MAP4K1: variants seen among roughly 807,000 people sequenced by gnomAD.
MAP4K1 encodes MAPK/ERK kinase kinase kinase 1.
MAP4K1 carries 35 observed loss-of-function variants against 122.8 expected under a neutral mutation model. That is an observed-to-expected ratio of 0.29 (90% confidence interval 0.22 to 0.38). The LOEUF (loss-of-function observed/expected upper bound fraction) is 0.38. Ranked by LOEUF, MAP4K1 falls within the 10% of genes least tolerant of loss-of-function variation. MAP4K1 has a pLI of 1.00. For synonymous variants in MAP4K1, 412 were observed against 421.3 expected (o/e 0.98, Z 0.27); for missense variants, 791 against 1,072.6 (o/e 0.74, Z 3.67).
chr19:38,614,146 C>T (rs1181844486), intron 6 of MAP4K1, 61 bp from the exon 7 acceptor site: 2 of 1,611,110 alleles, frequency 1.2e-6, no homozygotes, highest in Non-Finnish European at 1.7e-6. Context: ...TGCTAGCCCA[C>T]TCCGCCAGCT....
rs1031744033 is a variant in MAP4K1 at position 38,608,799 on chromosome 19, CAAAAAAAAAAAAAA to C, written c.1007-643_1007-630del. Among the ~76,000 whole-genome samples the C allele has an allele frequency of 1.9e-3, 18 of 9,558 alleles. No homozygotes were observed. The East Asian group carries it at 0.027, about 14-fold the overall frequency. The allele number at this position is 9,558 out of a possible 152,430, so 6.3% of individuals were successfully genotyped here. On this transcript the variant is annotated intron_variant, in intron 13 of 30. Transcript: ENST00000396857. ...TGGGCGACAGAGTGAAACTCCGTCT[CAAAAAAAAAAAAAA>C]AAAAAAAAAAAAAAAACATTAGCCA...
intron 29 of MAP4K1, among the ~76,000 whole-genome samples, chr19:38,595,167 T>G (rs1365346830): frequency 6.6e-6 from 1 of 151,308 alleles, no homozygotes; most frequent in Non-Finnish European, 1.5e-5. Context: ...CGCATGCCTG[T>G]AATCCCAGCT....
intron 19 of MAP4K1, among the ~76,000 whole-genome samples, chr19:38,603,279 T>A (rs1011788104): frequency 6.8e-6 from 1 of 146,112 alleles, no homozygotes; most frequent in Admixed American, 6.7e-5. Flanking sequence ...TATATACACA[T>A]ACATATACAC....
rs950123199 is a variant in MAP4K1 at position 38,601,481 on chromosome 19, C to A, written c.1491G>T (p.Arg497=). The A allele has an allele frequency of 1.9e-6, 3 of 1,610,384 alleles. No homozygotes were observed. Among genetic ancestry groups the A allele is most frequent in the Non-Finnish European group, 2.5e-6 (3 of 1,178,604 alleles). The change falls in exon 20 of 31, where the codon CGG becomes CGT. Residue 497 remains arginine, a synonymous_variant. Transcript: ENST00000396857. The part of the protein sequence containing the change: ...LVKLFNGCPL[R]IHSTAAWTHP... ...GTGTCCAGGCGGCCGTGCTGTGGAT[C>A]CGGAGGGGGCAGCCATTGAACAACT...
chr19:38,609,797 C>A, intron 12 of MAP4K1, 112 bp downstream of exon 12: 1 of 1,300,446 alleles, frequency 7.7e-7, no homozygotes, highest in Admixed American at 1.8e-5. Context: ...GCTCCCCATC[C>A]TCCCTCCCTG....
At chr19:38,606,266 C>T (rs543363743) in intron 16 of MAP4K1, 51 bp from the exon 17 acceptor site, 129 of 902,560 alleles carry the variant, frequency 1.4e-4, no homozygotes, top group Middle Eastern at 4.7e-4. Context: ...AACAAGGACT[C>T]GGGGAAGATG....
chr19:38,602,769 CATATAT>C (rs1975133462), intron 19 of MAP4K1, among the ~76,000 whole-genome samples: 1 of 146,180 alleles, frequency 6.8e-6, no homozygotes. Flanking sequence ...TACGCATATA[CATATAT>C]ACACATATAC....
chr19:38,616,208 C>G lies in MAP4K1; in HGVS notation c.300G>C (p.Gln100His). The G allele has an allele frequency of 1.2e-6, 2 of 1,613,452 alleles. No individual in the cohort carries two copies. Among genetic ancestry groups the G allele is most frequent in the Non-Finnish European group, 1.7e-6 (2 of 1,179,810 alleles). Residue 100 changes from glutamine to histidine, a missense_variant, in exon 4 of 31, where the codon CAG (glutamine) becomes CAC (histidine). This residue lies in a region of MAP4K1 where 163 missense variants were observed against 286.1 expected (regional missense o/e 0.57). Transcript: ENST00000396857. ...CMEFCGAGSL[Q>H]DIYQVTGSLS... ...CCTTTCTCTAACCTTGGTAGATGTC[C>G]TGGAGAGAACCAGCCCCACAGAATT...
chr19:38,597,175 T>G lies in MAP4K1; in HGVS notation c.1838-38A>C, dbSNP rs1208578769. 1.2e-6 allele frequency: 2 copies of G among 1,605,588 alleles called. No homozygotes were observed. Among genetic ancestry groups the G allele is most frequent in the African/African-American group, 1.3e-5 (1 of 74,778 alleles). Reference sequence around the variant, plus strand: ...CAAGGATGAGTCAAGATCAATGCCCTCTATCCTCCTCGCCACCCACACTAC... The same window carrying G: ...CAAGGATGAGTCAAGATCAATGCCCGCTATCCTCCTCGCCACCCACACTAC... On this transcript the variant is annotated intron_variant, in intron 24 of 30. Coordinates refer to ENST00000396857, the MANE Select transcript of MAP4K1 (RefSeq NM_001042600.3). The surrounding 1 kb of genome is among the most constrained non-coding windows in gnomAD (Gnocchi z 4.6).
intron 26 of MAP4K1, 59 bp downstream of exon 26, chr19:38,596,241 AAGCCCCGCCTCC>A: frequency 6.8e-7 from 1 of 1,471,112 alleles, no homozygotes; most frequent in Non-Finnish European, 9.0e-7. Flanking sequence ...AGGCTAAGCG[AAGCCCCGCCTCC>A]AGCTCCGCCC....
chr19:38,614,502 TG>T, intron 4 of MAP4K1, 57 bp from the exon 5 acceptor site: 2 of 1,587,440 alleles, frequency 1.3e-6, no homozygotes. Flanking sequence ...GAACCTGGGC[TG>T]GGGAGTCCTG....
rs1599715694 is a variant in MAP4K1, at chr19:38,610,121, G to A, written c.811-96C>T. The A allele has an allele frequency of 1.6e-5, 13 of 832,638 alleles. 1 individual carries two copies. In the South Asian group the frequency reaches 1.9e-4, roughly 12 times the overall value. 51.6% of individuals were successfully genotyped at this position (832,638 alleles called of 1,614,324 possible). Reference sequence around the variant, plus strand: ...GACTGGTACAGGGCCTTGGGGACTGGACTAAAGGAATCTAGCTGGGGAGAA... The same window carrying A: ...GACTGGTACAGGGCCTTGGGGACTGAACTAAAGGAATCTAGCTGGGGAGAA... On this transcript the variant is annotated intron_variant, in intron 11 of 30. Transcript: ENST00000396857.
At chr19:38,596,814 G>GA (rs1276900930) in intron 25 of MAP4K1, among the ~76,000 whole-genome samples, 1 of 152,172 alleles carries the variant, frequency 6.6e-6, no homozygotes, top group African/African-American at 2.4e-5. Flanking sequence ...TGAGCCTGAG[G>GA]AATAATTAGG....
chr19:38,610,372 A>ATTTTTTT (rs35103992), intron 11 of MAP4K1, among the ~76,000 whole-genome samples: 8 of 76,196 alleles, frequency 1.0e-4, no homozygotes, highest in Non-Finnish European at 1.4e-4. Context: ...CGCCCAGCTA[A>ATTTTTTT]TTTTTTTTTT....
intron 22 of MAP4K1, among the ~76,000 whole-genome samples, chr19:38,598,219 C>T (rs142560964): frequency 0.063 from 9,589 of 151,754 alleles, 367 homozygotes; most frequent in South Asian, 0.14. Flanking sequence ...TTAGTAGAGA[C>T]GGGGTTTTAC....
At chr19:38,616,305 A>T in intron 3 of MAP4K1, 46 bp from the exon 4 acceptor site, 1 of 1,495,874 alleles carries the variant, frequency 6.7e-7, no homozygotes, top group Non-Finnish European at 9.2e-7. Context: ...TAAATACATT[A>T]TTATTTGCAG....
chr19:38,602,591 CAT>C (rs1975113241), intron 19 of MAP4K1, among the ~76,000 whole-genome samples: 1 of 144,706 alleles, frequency 6.9e-6, no homozygotes, highest in African/African-American at 2.6e-5. Flanking sequence ...TACACATGTA[CAT>C]ATATACGCAT....
At chr19:38,600,254 T>C in intron 20 of MAP4K1, 101 bp from the exon 21 acceptor site, 1 of 921,646 alleles carries the variant, frequency 1.1e-6, no homozygotes. Context: ...TCCCCAGCTC[T>C]GACCCTCTAT....
chr19:38,596,904 G>A, intron 25 of MAP4K1, 130 bp downstream of exon 25: 2 of 833,926 alleles, frequency 2.4e-6, no homozygotes, highest in East Asian at 6.0e-5. Context: ...CAGGTGGGCG[G>A]GGCCTCGGGA....
Sources: allele counts gnomAD v4.1 joint callset (sites outside exome capture counted in the v4.1 genomes callset), GRCh38; gene constraint gnomAD v4.1.1; regional missense constraint gnomAD v4.1.1; non-coding constraint Gnocchi (gnomAD v3.1); transcripts MANE v1.5; gene names NCBI Gene and HGNC (gene_info 2026-07-23, HGNC 2026-07-21).